GJA8: variants seen among roughly 807,000 people sequenced by gnomAD.
GJA8 encodes gap junction alpha-8 protein.
A neutral mutation model predicts 15.3 loss-of-function variants in GJA8; 13 were observed. The ratio of observed to expected loss-of-function variants is 0.85; its 90% CI spans 0.55 to 1.35. The LOEUF (loss-of-function observed/expected upper bound fraction) is 1.35, where lower values mean the gene tolerates loss of function less well. Ranked by LOEUF, GJA8 falls within the 40% of genes most tolerant of loss-of-function variation. The pLI is 0.00. For missense variants in GJA8, 607 were observed against 553.3 expected, an observed-to-expected ratio of 1.10 and a Z score of -0.97; for synonymous variants, 304 against 238.7, an observed-to-expected ratio of 1.27 and a Z score of -2.52.
chr1:147,909,013 C>A lies in GJA8; in HGVS notation c.1058C>A (p.Ala353Glu). The A allele has an allele frequency of 6.3e-7, 1 of 1,595,106 alleles. No individual in the cohort carries two copies. Among genetic ancestry groups the A allele is most frequent in the Non-Finnish European group, 8.5e-7 (1 of 1,170,286 alleles). ...EPEVGEKKEE[A>E]ERLTTEEQEK... ...GAGGTGGGAGAGAAGAAGGAGGAAG[C>A]AGAGAGGCTGACCACGGAGGAGCAG... Residue 353 changes from alanine to glutamate, a missense_variant, in exon 2 of 2, where the codon GCA (alanine) becomes GAA (glutamate). Physicochemically the swap from Ala to Glu is moderately radical, Grantham distance 107. Transcript: ENST00000369235.
At chr1:147,910,621 C>T (rs1169702355), downstream of GJA8, among the ~76,000 whole-genome samples, 5 of 152,224 alleles carry the variant, frequency 3.3e-5, no homozygotes, top group African/African-American at 4.8e-5. Flanking sequence ...AAGATCCTTT[C>T]TTTATTCCCC....
intron 1 of GJA8, among the ~76,000 whole-genome samples, chr1:147,905,549 T>C (rs1558007936): frequency 6.6e-6 from 1 of 152,250 alleles, no homozygotes; most frequent in Non-Finnish European, 1.5e-5. Context: ...AGTACAGTTA[T>C]TCAAATTGCT....
At chr1:147,910,036 T>C (rs1199181473), downstream of GJA8, among the ~76,000 whole-genome samples, 1 of 152,116 alleles carries the variant, frequency 6.6e-6, no homozygotes, top group African/African-American at 2.4e-5. Context: ...ATTTTTGTAT[T>C]TTTTGTACAG....
Position 147,908,307 on chromosome 1 carries a change from G to A in GJA8, c.352G>A (p.Ala118Thr), listed in dbSNP as rs367754368. The A allele has an allele frequency of 9.3e-6, 15 of 1,614,078 alleles. No homozygotes were observed. Among genetic ancestry groups the A allele is most frequent in the Non-Finnish European group, 1.1e-5 (13 of 1,180,036 alleles). ...CGAGGCGGAGGAGCTGGGCCAGCAG[G>A]CGGGGACTAACGGCGGCCCGGACCA... ...SREAEELGQQ[A>T]GTNGGPDQGS... Residue 118 changes from alanine to threonine, a missense_variant, in exon 2 of 2, where the codon GCG (alanine) becomes ACG (threonine). By Grantham distance (58) the Ala-to-Thr change is moderately conservative. Coordinates refer to ENST00000369235, the MANE Select transcript of GJA8 (RefSeq NM_005267.5).
At position 147,908,952 on chromosome 1, in the gene GJA8, G is replaced by C. The variant is rs587600450; in HGVS notation, c.997G>C (p.Gly333Arg). Residue 333 changes from glycine (G) to arginine (R), a missense_variant, in exon 2 of 2, where the codon GGC becomes CGC. Gly to Arg is a moderately radical substitution (Grantham distance 125, BLOSUM62 -2). Transcript: ENST00000369235. Reference sequence around the variant, plus strand: ...TCAGGTGGGGGCACAAGAAGTGGAGGGCGAGGGGCCGCCTGCAGAGGAGGG... The same window carrying C: ...TCAGGTGGGGGCACAAGAAGTGGAGCGCGAGGGGCCGCCTGCAGAGGAGGG... Reference protein sequence around the residue: ...YAQVGAQEVEGEGPPAEEGAE... With the variant: ...YAQVGAQEVEREGPPAEEGAE... 146 of 1,606,516 alleles carry C rather than the reference G, an allele frequency of 9.1e-5. No homozygotes were observed. The highest frequency in any genetic ancestry group is 1.7e-4 in the Middle Eastern group (1 of 6,014).
chr1:147,908,903 C>T lies in GJA8; in HGVS notation c.948C>T (p.Tyr316=). 1 of 1,613,544 alleles carries T rather than the reference C, an allele frequency of 6.2e-7. No individual in the cohort carries two copies. Among genetic ancestry groups the T allele is most frequent in the Non-Finnish European group, 8.5e-7 (1 of 1,179,574 alleles). ...TGPLGDLSRG[Y]QETLPSYAQV... ...CCCTGGGGGACTTGTCCCGGGGCTA[C>T]CAAGAGACACTGCCTTCCTACGCTC... Residue 316 remains tyrosine, a synonymous_variant, in exon 2 of 2, where the codon TAC becomes TAT. Transcript: ENST00000369235.
Position 147,908,603 on chromosome 1 carries a change from C to G in GJA8, c.648C>G (p.Ser216=). 6.2e-7 allele frequency: 1 copy of G among 1,614,058 alleles called. No individual in the cohort carries two copies. The highest frequency in any genetic ancestry group is 8.5e-7 in the Non-Finnish European group (1 of 1,180,028). The change falls in exon 2 of 2, where the codon TCC becomes TCG. Residue 216 remains serine, a synonymous_variant. Coordinates refer to ENST00000369235, the MANE Select transcript of GJA8 (RefSeq NM_005267.5). ...ILFMLSVASV[S]LFLNVMELGH... is the part of the protein sequence containing the mutation. ...TCATGTTGTCTGTGGCCTCTGTGTC[C>G]CTATTCCTCAACGTGATGGAGTTGG...
At chr1:147,907,890 G>T in intron 1 of GJA8, 55 bp from the exon 2 acceptor site, 1 of 1,245,114 alleles carries the variant, frequency 8.0e-7, no homozygotes. Flanking sequence ...AACAGATATT[G>T]ACTCAGGGTT....
At position 147,908,633 on chromosome 1, in the gene GJA8, C is replaced by T. The variant is rs201476382; in HGVS notation, c.678C>T (p.His226=). 4 of 1,613,986 alleles carry T rather than the reference C, an allele frequency of 2.5e-6. No individual in the cohort carries two copies. The highest frequency in any genetic ancestry group is 3.4e-6 in the Non-Finnish European group (4 of 1,180,018). Residue 226 remains histidine, a synonymous_variant, in exon 2 of 2, where the codon CAC becomes CAT. Transcript: ENST00000369235. ...SLFLNVMELG[H]LGLKGIRSAL... is the part of the protein sequence containing the mutation. ...TCCTCAACGTGATGGAGTTGGGCCA[C>T]CTGGGCCTGAAGGGGATCCGGTCTG...
rs143504533 is a variant in GJA8 at position 147,909,113 on chromosome 1, G to A, written c.1158G>A (p.Pro386=). ...ATAAGGAGGGTGAAAAAGAAGAGCC[G>A]CAGTCGGAGAAGGTGTCAAAGCAAG... The part of the protein sequence containing the change: ...GVDKEGEKEE[P]QSEKVSKQGL... The change falls in exon 2 of 2, where the codon CCG becomes CCA. Residue 386 remains proline (P), a synonymous_variant. Transcript: ENST00000369235. 45 of 1,613,622 alleles carry A rather than the reference G, an allele frequency of 2.8e-5. No homozygotes were observed. The highest frequency in any genetic ancestry group is 3.6e-5 in the Non-Finnish European group (42 of 1,179,834).
At position 147,908,786 on chromosome 1, in the gene GJA8, C is replaced by T; in HGVS notation, c.831C>T (p.His277=). 1.2e-6 allele frequency: 2 copies of T among 1,614,210 alleles called. No homozygotes were observed. The highest frequency in any genetic ancestry group is 1.7e-6 in the Non-Finnish European group (2 of 1,180,044). Residue 277 remains histidine, a synonymous_variant, in exon 2 of 2, where the codon CAC becomes CAT. Transcript: ENST00000369235. The part of the protein sequence containing the change: ...QLLEEEKIVS[H]YFPLTEVGMV... ...TAGAAGAAGAGAAAATCGTTTCCCACTATTTCCCCTTGACCGAGGTTGGGA... is the reference window on the plus strand; with the variant it reads ...TAGAAGAAGAGAAAATCGTTTCCCATTATTTCCCCTTGACCGAGGTTGGGA...
downstream of GJA8, among the ~76,000 whole-genome samples, chr1:147,914,232 A>G (rs1652293963): frequency 2.0e-5 from 3 of 152,196 alleles, no homozygotes; most frequent in South Asian, 6.2e-4. Flanking sequence ...AAGAATTCAT[A>G]AGGTTGTCTG....
intron 1 of GJA8, 53 bp from the exon 2 acceptor site, chr1:147,907,892 C>G: frequency 7.9e-7 from 1 of 1,270,000 alleles, no homozygotes; most frequent in Non-Finnish European, 1.1e-6. Flanking sequence ...CAGATATTGA[C>G]TCAGGGTTGC....
At chr1:147,905,217 G>A (rs1651743637) in intron 1 of GJA8, among the ~76,000 whole-genome samples, 1 of 152,178 alleles carries the variant, frequency 6.6e-6, no homozygotes, top group African/African-American at 2.4e-5. Context: ...GATTTCACAA[G>A]GATTACTATT....
Position 147,908,487 on chromosome 1 carries a change from C to T in GJA8, c.532C>T (p.Leu178=), listed in dbSNP as rs1553242730. 2 of 1,614,208 alleles carry T rather than the reference C, an allele frequency of 1.2e-6. No individual in the cohort carries two copies. Among genetic ancestry groups the T allele is most frequent in the Admixed American group, 3.3e-5 (2 of 60,034 alleles). The part of the protein sequence containing the change: ...GHYFLYGFRI[L]PLYRCSRWPC... The stretch of plus-strand genomic sequence containing the variant: ...CTACTTCCTGTACGGGTTCCGGATC[C>T]TGCCTCTGTACCGCTGCAGCCGGTG... The change falls in exon 2 of 2, where the codon CTG becomes TTG. Residue 178 remains leucine (L), a synonymous_variant. Coordinates refer to ENST00000369235, the MANE Select transcript of GJA8 (RefSeq NM_005267.5).
At position 147,907,976 on chromosome 1, in the gene GJA8, G is replaced by A; in HGVS notation, c.21G>A (p.Leu7=). The A allele has an allele frequency of 6.2e-7, 1 of 1,613,878 alleles. No homozygotes were observed. Among genetic ancestry groups the A allele is most frequent in the Non-Finnish European group, 8.5e-7 (1 of 1,179,820 alleles). The part of the protein sequence containing the change: MGDWSF[L]GNILEEVNEH... ...GAGAAATGGGCGACTGGAGTTTCCT[G>A]GGGAACATCTTGGAGGAGGTGAATG... The change falls in exon 2 of 2, where the codon CTG becomes CTA. Residue 7 remains leucine (L), a synonymous_variant. Coordinates refer to ENST00000369235, the MANE Select transcript of GJA8 (RefSeq NM_005267.5).
downstream of GJA8, among the ~76,000 whole-genome samples, chr1:147,913,599 G>A (rs1652266621): frequency 6.6e-6 from 1 of 152,198 alleles, no homozygotes; most frequent in African/African-American, 2.4e-5. Flanking sequence ...TCCAGGCCAT[G>A]TGGAAGGCCT....
chr1:147,904,451 T>G (rs1404658327), intron 1 of GJA8, among the ~76,000 whole-genome samples: 1 of 152,180 alleles, frequency 6.6e-6, no homozygotes, highest in African/African-American at 2.4e-5. Flanking sequence ...AATCATTACC[T>G]CTAGCCATCA....
At chr1:147,907,597 G>A (rs1222725965) in intron 1 of GJA8, among the ~76,000 whole-genome samples, 2 of 152,022 alleles carry the variant, frequency 1.3e-5, no homozygotes, top group East Asian at 1.9e-4. Context: ...TGTAACCAAG[G>A]GTTTCTATTT....
Sources: gnomAD v4.1 joint callset for allele counts (sites outside exome capture counted in the v4.1 genomes callset) on GRCh38, gnomAD v4.1.1 for gene constraint, MANE v1.5 for transcripts, NCBI Gene and HGNC (gene_info 2026-07-23, HGNC 2026-07-21) for gene names.